The following GRIK2 variants were observed in gnomAD, a reference collection of about 807,000 sequenced individuals.
The protein encoded by GRIK2 is glutamate ionotropic receptor kainate type subunit 2, also known as glutamate receptor ionotropic, kainate 2.
Under a neutral mutation model 100.3 loss-of-function variants are expected in GRIK2, and 32 were observed. The ratio of observed to expected loss-of-function variants is 0.32; its 90% CI spans 0.24 to 0.43. The LOEUF is 0.43. Among genes scored for constraint, GRIK2 ranks in the 20% least tolerant of loss-of-function variants. The pLI is 1.00. For missense variants in GRIK2, 843 were observed against 1,114.9 expected (o/e 0.76, Z 3.47); for synonymous variants, 417 against 389.4 (o/e 1.07, Z -0.83).
chr6:101,992,057 G>A (rs1484601991), intron 14 of GRIK2, among the ~76,000 whole-genome samples: 2 of 151,606 alleles, frequency 1.3e-5, no homozygotes, highest in Non-Finnish European at 3.0e-5. Flanking sequence ...GCTGCACAGT[G>A]TATTTGCATT....
intron 2 of GRIK2, among the ~76,000 whole-genome samples, chr6:101,568,913 A>G (rs1050150293): frequency 5.6e-5 from 3 of 53,722 alleles, no homozygotes; most frequent in African/African-American, 2.2e-4. Flanking sequence ...TCATATAACT[A>G]TGTTCCTTTT....
intron 7 of GRIK2, among the ~76,000 whole-genome samples, chr6:101,789,647 C>T (rs1442048966): frequency 6.6e-6 from 1 of 152,152 alleles, no homozygotes; most frequent in African/African-American, 2.4e-5. Context: ...TGTGATGCCT[C>T]CAGCTTTGTT....
chr6:101,524,512 CTCTG>C (rs1302808964), intron 2 of GRIK2, among the ~76,000 whole-genome samples: 5 of 152,188 alleles, frequency 3.3e-5, no homozygotes, highest in South Asian at 2.1e-4. Context: ...CTAGTTCACT[CTCTG>C]TCTTTCTCCT....
chr6:101,908,823 T>C (rs1385319099), intron 12 of GRIK2, among the ~76,000 whole-genome samples: 1 of 150,972 alleles, frequency 6.6e-6, no homozygotes, highest in South Asian at 2.1e-4. Flanking sequence ...CTAAGGCAAA[T>C]GAAATATCAA....
At chr6:101,653,350 A>T (rs1262615357) in intron 4 of GRIK2, among the ~76,000 whole-genome samples, 1 of 151,856 alleles carries the variant, frequency 6.6e-6, no homozygotes, top group African/African-American at 2.4e-5. Context: ...CTGTCATCCT[A>T]TGCCTATATA....
At chr6:101,730,640 C>T (rs1052517984) in intron 7 of GRIK2, among the ~76,000 whole-genome samples, 1 of 151,444 alleles carries the variant, frequency 6.6e-6, no homozygotes, top group Non-Finnish European at 1.5e-5. Context: ...CACCTTTCAC[C>T]CTTTTTTGTT....
chr6:102,025,774 GCA>G (rs1769663045), intron 14 of GRIK2, among the ~76,000 whole-genome samples: 1 of 151,108 alleles, frequency 6.6e-6, no homozygotes, highest in Admixed American at 6.6e-5. Flanking sequence ...GTAAATCTAC[GCA>G]CACACAGTGC....
chr6:101,948,651 A>G (rs1400769443), intron 14 of GRIK2, among the ~76,000 whole-genome samples: 1 of 151,556 alleles, frequency 6.6e-6, no homozygotes, highest in Non-Finnish European at 1.5e-5. Context: ...TATTGTTTTA[A>G]TTAAATAGAG....
chr6:101,634,106 T>A (rs1001751281), intron 4 of GRIK2, among the ~76,000 whole-genome samples: 1 of 151,992 alleles, frequency 6.6e-6, no homozygotes, highest in Non-Finnish European at 1.5e-5. Flanking sequence ...GGATATGAGA[T>A]ATGGAGAGCA....
At chr6:101,540,136 G>A (rs948684841) in intron 2 of GRIK2, among the ~76,000 whole-genome samples, 1 of 151,650 alleles carries the variant, frequency 6.6e-6, no homozygotes, top group Admixed American at 6.6e-5. Flanking sequence ...GGTCAAAGCT[G>A]TGGTTTATGA....
At chr6:101,719,052 C>G (rs1381802055) in intron 7 of GRIK2, among the ~76,000 whole-genome samples, 1 of 147,836 alleles carries the variant, frequency 6.8e-6, no homozygotes, top group East Asian at 2.0e-4. Context: ...ACTCTACTTT[C>G]AAAGAACAAT....
rs150835902 is a variant in GRIK2, at chr6:101,940,013, A to T, written c.2085+11381A>T. ...GTTATGATGAGAGTTGTGTTGAAGG[A>T]AGTGTTGATTGTGACAGAAGCCCCC... is the stretch of plus-strand genomic sequence containing the variant. On this transcript the variant is annotated intron_variant, in intron 14 of 16. Coordinates refer to ENST00000369134, the MANE Select transcript of GRIK2 (RefSeq NM_021956.5). Among the ~76,000 whole-genome samples the T allele has an allele frequency of 6.2e-4, 95 of 152,226 alleles. 1 individual carries two copies. The highest frequency in any genetic ancestry group is 2.2e-3 in the African/African-American group (90 of 41,568).
chr6:101,734,607 T>C (rs1775508219), intron 7 of GRIK2, among the ~76,000 whole-genome samples: 1 of 152,112 alleles, frequency 6.6e-6, no homozygotes, highest in African/African-American at 2.4e-5. Flanking sequence ...TTGACACATA[T>C]AATTAACCAT....
chr6:101,744,501 T>G (rs1776258059), intron 7 of GRIK2: 2 of 139,306 alleles, frequency 1.4e-5, no homozygotes, highest in Middle Eastern at 7.3e-3. Context: ...GGTGTGTGTG[T>G]GTGTGTGTGT....
At chr6:102,038,795 G>C (rs1770415643) in intron 15 of GRIK2, among the ~76,000 whole-genome samples, 2 of 151,358 alleles carry the variant, frequency 1.3e-5, no homozygotes, top group Admixed American at 1.3e-4. Flanking sequence ...ATTACTTCCA[G>C]AAGTTCCCCA....
chr6:101,612,582 T>A (rs2128313694), intron 2 of GRIK2, among the ~76,000 whole-genome samples: 1 of 151,848 alleles, frequency 6.6e-6, no homozygotes, highest in African/African-American at 2.4e-5. Flanking sequence ...TTGAAAGGGG[T>A]CTGGAACATT....
At chr6:101,402,791 G>A (rs1032185813) in intron 2 of GRIK2, among the ~76,000 whole-genome samples, 3 of 152,300 alleles carry the variant, frequency 2.0e-5, no homozygotes, top group Admixed American at 6.5e-5. Context: ...GCGCTGGCGC[G>A]GCGGGCACAG....
At chr6:101,645,373 G>T (rs558786610) in intron 4 of GRIK2, among the ~76,000 whole-genome samples, 1 of 151,880 alleles carries the variant, frequency 6.6e-6, no homozygotes, top group African/African-American at 2.4e-5. Flanking sequence ...TAGCTATTGT[G>T]TTATAACTAG....
chr6:101,605,433 C>G (rs1316585504), intron 2 of GRIK2, among the ~76,000 whole-genome samples: 1 of 151,614 alleles, frequency 6.6e-6, no homozygotes, highest in Non-Finnish European at 1.5e-5. Context: ...TCTTCGTCTT[C>G]TTTCCAATAT....
Sources: gnomAD v4.1 joint callset for allele counts (sites outside exome capture counted in the v4.1 genomes callset) on GRCh38, gnomAD v4.1.1 for gene constraint, MANE v1.5 for transcripts, NCBI Gene and HGNC (gene_info 2026-07-23, HGNC 2026-07-21) for gene names.